RAB28: variants seen among roughly 807,000 people sequenced by gnomAD.
The protein encoded by RAB28 is ras-related protein Rab-28.
A neutral mutation model predicts 31.7 loss-of-function variants in RAB28; 24 were observed. The ratio of observed to expected loss-of-function variants is 0.76; its 90% CI spans 0.55 to 1.06. The LOEUF (loss-of-function observed/expected upper bound fraction) is 1.06. Among genes scored for constraint, RAB28 ranks in the 50% least tolerant of loss-of-function variants. RAB28 has a pLI of 0.00. For synonymous variants in RAB28, 100 were observed against 90.4 expected (o/e 1.11, Z -0.60); for missense variants, 254 against 258.5 (o/e 0.98, Z 0.12).
chr4:13,451,344 G>A (rs1459708960), intron 4 of RAB28, among the ~76,000 whole-genome samples: 2 of 148,512 alleles, frequency 1.3e-5, no homozygotes, highest in East Asian at 3.9e-4. Context: ...TTTGAAAAAT[G>A]TCTGTTCAGA....
intron 1 of RAB28, 53 bp from the exon 2 acceptor site, chr4:13,479,579 C>T: frequency 8.8e-7 from 1 of 1,142,164 alleles, no homozygotes; most frequent in Non-Finnish European, 1.3e-6. Flanking sequence ...GAAATGTAAT[C>T]ATAAGACCAC....
At chr4:13,455,217 C>G (rs4956002) in intron 4 of RAB28, among the ~76,000 whole-genome samples, 116,424 of 152,108 alleles carry the variant, frequency 0.77, 46,368 homozygotes, top group East Asian at 0.92. Context: ...GCTGTTTCTC[C>G]GGACCTGGGC....
intron 3 of RAB28, among the ~76,000 whole-genome samples, chr4:13,465,596 A>C (rs1291125265): frequency 6.6e-6 from 1 of 151,946 alleles, no homozygotes; most frequent in Non-Finnish European, 1.5e-5. Context: ...TCTCAGAAAA[A>C]CAAAAGTTGA....
At chr4:13,438,756 C>T (rs537529574) in intron 4 of RAB28, among the ~76,000 whole-genome samples, 145 of 152,252 alleles carry the variant, frequency 9.5e-4, no homozygotes, top group African/African-American at 3.3e-3. Flanking sequence ...TGTGGGCATA[C>T]ATTTTCATTT....
rs191216431 is a variant in RAB28 at position 13,422,063 on chromosome 4, A to C, written c.391+38636T>G. Reference sequence around the variant, plus strand: ...CTTAAACAAACTTACAAGAAAAAAAAAAACAACCCCATCAAAAAGTGGGCA... The same window carrying C: ...CTTAAACAAACTTACAAGAAAAAAACAAACAACCCCATCAAAAAGTGGGCA... On this transcript the variant is annotated intron_variant, in intron 4 of 6. Coordinates refer to ENST00000330852, the MANE Select transcript of RAB28 (RefSeq NM_001017979.3). Among the ~76,000 whole-genome samples the C allele has an allele frequency of 1.9e-4, 29 of 152,114 alleles. No homozygotes were observed. The South Asian group carries it at 4.8e-3, about 25-fold the overall frequency.
chr4:13,460,230 C>T (rs569533429), intron 4 of RAB28, among the ~76,000 whole-genome samples: 19 of 152,286 alleles, frequency 1.2e-4, no homozygotes, highest in African/African-American at 4.3e-4. Flanking sequence ...TCTCAAACTT[C>T]GGTAAGTAAA....
intron 4 of RAB28, among the ~76,000 whole-genome samples, chr4:13,406,533 G>A (rs1712100499): frequency 6.6e-6 from 1 of 152,106 alleles, no homozygotes; most frequent in Non-Finnish European, 1.5e-5. Context: ...GGAACTGCTG[G>A]GTCAAATGGT....
At chr4:13,418,542 AC>A (rs1253319445) in intron 4 of RAB28, among the ~76,000 whole-genome samples, 1 of 152,242 alleles carries the variant, frequency 6.6e-6, no homozygotes, top group East Asian at 1.9e-4. Context: ...CCATCAGCTA[AC>A]AGCGGATCTC....
chr4:13,468,480 A>G (rs1001104130), intron 3 of RAB28, among the ~76,000 whole-genome samples: 2 of 152,008 alleles, frequency 1.3e-5, no homozygotes, highest in African/African-American at 4.8e-5. Context: ...AAATAACACA[A>G]GCATCAAAGA....
chr4:13,458,547 T>C (rs539474999), intron 4 of RAB28, among the ~76,000 whole-genome samples: 8 of 152,252 alleles, frequency 5.3e-5, no homozygotes, highest in Middle Eastern at 3.4e-3. Flanking sequence ...AAATCTGAAA[T>C]CATTTTCTCT....
At chr4:13,379,161 G>A (rs184250276) in intron 5 of RAB28, among the ~76,000 whole-genome samples, 192 of 139,328 alleles carry the variant, frequency 1.4e-3, no homozygotes, top group East Asian at 0.011. Flanking sequence ...AGCTGAGATC[G>A]CACCACTGCA....
chr4:13,415,706 G>A (rs957505595), intron 4 of RAB28, among the ~76,000 whole-genome samples: 2 of 151,926 alleles, frequency 1.3e-5, no homozygotes, highest in East Asian at 3.9e-4. Context: ...CCTCCCCAAC[G>A]AGCACCATCC....
rs143284445 is a variant in RAB28, at chr4:13,412,791, T to C, written c.392-31197A>G. ...ATTACCATATATTTTTAAAACTTAATTACACAACTACTTCTATAAAATAAG... is the reference window on the plus strand; with the variant it reads ...ATTACCATATATTTTTAAAACTTAACTACACAACTACTTCTATAAAATAAG... On this transcript the variant is annotated intron_variant, in intron 4 of 6. Transcript: ENST00000330852. Among the ~76,000 whole-genome samples the C allele has an allele frequency of 2.0e-5, 3 of 152,252 alleles. No homozygotes were observed. In the East Asian group the frequency reaches 5.8e-4, roughly 29 times the overall value.
chr4:13,398,602 C>T (rs1465257235), intron 4 of RAB28, among the ~76,000 whole-genome samples: 1 of 152,020 alleles, frequency 6.6e-6, no homozygotes, highest in East Asian at 1.9e-4. Flanking sequence ...CACGGCGAAA[C>T]CCCATCTCTA....
intron 6 of RAB28, chr4:13,372,016 G>T: frequency 1.4e-6 from 1 of 730,352 alleles, no homozygotes; most frequent in South Asian, 1.6e-5. Context: ...AAGGTGTAAG[G>T]AGTATAGATG....
intron 4 of RAB28, among the ~76,000 whole-genome samples, chr4:13,433,594 C>G (rs1354885132): frequency 6.6e-6 from 1 of 151,934 alleles, no homozygotes; most frequent in Non-Finnish European, 1.5e-5. Context: ...AAATACATAT[C>G]AAAACCACAA....
At chr4:13,443,669 T>C (rs1471744377) in intron 4 of RAB28, among the ~76,000 whole-genome samples, 1 of 152,204 alleles carries the variant, frequency 6.6e-6, no homozygotes, top group Non-Finnish European at 1.5e-5. Context: ...TCACTTATCA[T>C]ACTTGTCATT....
chr4:13,370,841 T>C, intron 6 of RAB28: 1 of 961,748 alleles, frequency 1.0e-6, no homozygotes, highest in Non-Finnish European at 1.2e-6. Flanking sequence ...TCTAAGAGTT[T>C]TACTAAATAA....
intron 4 of RAB28, among the ~76,000 whole-genome samples, chr4:13,383,858 G>A (rs777808507): frequency 4.6e-5 from 7 of 152,178 alleles, no homozygotes; most frequent in Non-Finnish European, 1.0e-4. Flanking sequence ...GAATGATGCA[G>A]GGCAGTCCTG....
Sources: gnomAD v4.1 joint callset for allele counts (sites outside exome capture counted in the v4.1 genomes callset) on GRCh38, gnomAD v4.1.1 for gene constraint, MANE v1.5 for transcripts, NCBI Gene and HGNC (gene_info 2026-07-23, HGNC 2026-07-21) for gene names.